The following CDH18 variants were observed in gnomAD, a reference collection of about 807,000 sequenced individuals.
CDH18 encodes the protein cadherin-18.
Under a neutral mutation model 67.9 loss-of-function variants are expected in CDH18, and 31 were observed. The ratio of observed to expected loss-of-function variants is 0.46; its 90% CI spans 0.34 to 0.62. CDH18 has a LOEUF of 0.62. Ranked by LOEUF, CDH18 falls within the 20% of genes least tolerant of loss-of-function variation. The pLI, the probability that CDH18 is intolerant of heterozygous loss-of-function variation, is 0.01. For synonymous variants in CDH18, 362 were observed against 347.2 expected (o/e 1.04, Z -0.48); for missense variants, 890 against 975.5 (o/e 0.91, Z 1.17).
At chr5:19,864,430 A>G (rs1785247279) in intron 2 of CDH18, among the ~76,000 whole-genome samples, 1 of 151,262 alleles carries the variant, frequency 6.6e-6, no homozygotes, top group African/African-American at 2.4e-5. Flanking sequence ...CTAATGCTAC[A>G]TGAGGAGTTA....
At chr5:19,671,056 A>G (rs2150350055) in intron 5 of CDH18, among the ~76,000 whole-genome samples, 1 of 152,264 alleles carries the variant, frequency 6.6e-6, no homozygotes, top group South Asian at 2.1e-4. Flanking sequence ...TGTAGAGATA[A>G]GTAGTAAGCA....
chr5:19,806,476 TC>T (rs1778040716), intron 3 of CDH18, among the ~76,000 whole-genome samples: 2 of 152,206 alleles, frequency 1.3e-5, no homozygotes, highest in African/African-American at 4.8e-5. Flanking sequence ...GTCTTGTTCT[TC>T]CGCCTTATCA....
chr5:20,276,004 G>A (rs1230957651), intron 1 of CDH18, among the ~76,000 whole-genome samples: 1 of 152,140 alleles, frequency 6.6e-6, no homozygotes, highest in African/African-American at 2.4e-5. Context: ...CCTAGCCAGA[G>A]GGAAATTACC....
At chr5:19,516,463 T>G (rs1746017214) in intron 10 of CDH18, among the ~76,000 whole-genome samples, 1 of 152,180 alleles carries the variant, frequency 6.6e-6, no homozygotes, top group Non-Finnish European at 1.5e-5. Context: ...AATTTGGCTG[T>G]GAATAAGTCT....
At chr5:19,878,819 A>G (rs1461677241) in intron 2 of CDH18, among the ~76,000 whole-genome samples, 3 of 152,070 alleles carry the variant, frequency 2.0e-5, no homozygotes, top group Non-Finnish European at 4.4e-5. Context: ...TCATTTTATA[A>G]AAAAATCTTT....
At chr5:20,037,211 G>A (rs905677186) in intron 2 of CDH18, among the ~76,000 whole-genome samples, 1 of 151,900 alleles carries the variant, frequency 6.6e-6, no homozygotes, top group Non-Finnish European at 1.5e-5. Context: ...TCATACTGTC[G>A]ATGCTCTTTA....
intron 2 of CDH18, among the ~76,000 whole-genome samples, chr5:20,202,036 G>T (rs1447589096): frequency 6.6e-6 from 1 of 152,062 alleles, no homozygotes; most frequent in Non-Finnish European, 1.5e-5. Context: ...CAGAGCATTG[G>T]GTATTAATGT....
At chr5:19,569,849 G>C (rs1741066519) in intron 8 of CDH18, among the ~76,000 whole-genome samples, 2 of 152,000 alleles carry the variant, frequency 1.3e-5, no homozygotes, top group Admixed American at 1.3e-4. Flanking sequence ...TTGATCATAT[G>C]AATATGTCAA....
At chr5:20,442,879 A>C (rs1393085635) in intron 1 of CDH18, among the ~76,000 whole-genome samples, 1 of 151,938 alleles carries the variant, frequency 6.6e-6, no homozygotes, top group Admixed American at 6.6e-5. Flanking sequence ...AGACACTACT[A>C]AAAAGCAACT....
At chr5:19,952,124 C>A (rs896136113) in intron 2 of CDH18, among the ~76,000 whole-genome samples, 3 of 152,176 alleles carry the variant, frequency 2.0e-5, no homozygotes, top group Non-Finnish European at 4.4e-5. Flanking sequence ...TTTCAGCTAA[C>A]TGCAACCTCC....
chr5:19,805,458 T>C (rs571839589), intron 3 of CDH18, among the ~76,000 whole-genome samples: 1 of 152,276 alleles, frequency 6.6e-6, no homozygotes, highest in Non-Finnish European at 1.5e-5. Context: ...CTGAATAAGA[T>C]ATCCATATGT....
intron 1 of CDH18, among the ~76,000 whole-genome samples, chr5:20,453,917 C>A (rs533914317): frequency 3.3e-5 from 5 of 152,088 alleles, no homozygotes; most frequent in Non-Finnish European, 7.4e-5. Flanking sequence ...ATGAAAATAT[C>A]CAATAACAGT....
intron 7 of CDH18, among the ~76,000 whole-genome samples, chr5:19,572,363 G>C (rs1561375934): frequency 6.6e-6 from 1 of 152,170 alleles, no homozygotes; most frequent in Non-Finnish European, 1.5e-5. Flanking sequence ...CAGCAGAATA[G>C]AGAATTTTCA....
At chr5:20,068,745 A>G (rs995314925) in intron 2 of CDH18, among the ~76,000 whole-genome samples, 1 of 152,136 alleles carries the variant, frequency 6.6e-6, no homozygotes, top group Non-Finnish European at 1.5e-5. Context: ...TGATAACCAA[A>G]TTATCTCCCA....
chr5:20,063,796 T>C (rs1742722259), intron 2 of CDH18, among the ~76,000 whole-genome samples: 1 of 152,138 alleles, frequency 6.6e-6, no homozygotes, highest in Non-Finnish European at 1.5e-5. Context: ...ACCAACCTTA[T>C]ACTTTTCACT....
At chr5:20,446,810 A>G (rs954818377) in intron 1 of CDH18, among the ~76,000 whole-genome samples, 3 of 152,190 alleles carry the variant, frequency 2.0e-5, no homozygotes, top group African/African-American at 7.2e-5. Flanking sequence ...CTGTCCTTCT[A>G]TGAAAAAGGT....
upstream of CDH18, among the ~76,000 whole-genome samples, chr5:19,990,490 G>A (rs900852853): frequency 2.0e-5 from 3 of 152,176 alleles, no homozygotes; most frequent in African/African-American, 4.8e-5. Context: ...TTGCTCCTCA[G>A]TGCAACGACA....
chr5:19,812,550 C>A lies in CDH18; in HGVS notation c.228+26209G>T, dbSNP rs559997437. Among the ~76,000 whole-genome samples the A allele has an allele frequency of 2.0e-5, 3 of 152,010 alleles. No homozygotes were observed. The South Asian group carries it at 6.2e-4, about 32-fold the overall frequency. On this transcript the variant is annotated intron_variant, in intron 3 of 12. Transcript: ENST00000382275. ...CAAAAAGCATAAAACATAAAACCAC[C>A]AAACAGATAGAAACTCCAGTAGACG...
At chr5:20,174,996 G>A (rs1256729814) in intron 2 of CDH18, among the ~76,000 whole-genome samples, 1 of 151,990 alleles carries the variant, frequency 6.6e-6, no homozygotes, top group Non-Finnish European at 1.5e-5. Context: ...TTTATCTACC[G>A]AAGTCAGTAC....
Sources: allele counts gnomAD v4.1 joint callset (sites outside exome capture counted in the v4.1 genomes callset), GRCh38; gene constraint gnomAD v4.1.1; transcripts MANE v1.5; gene names NCBI Gene and HGNC (gene_info 2026-07-23, HGNC 2026-07-21).